The following CD8B2 variants were observed in gnomAD, a reference collection of about 807,000 sequenced individuals.
CD8B2 encodes T-cell surface glycoprotein CD8 beta-2 chain.
A neutral mutation model predicts 23.7 loss-of-function variants in CD8B2; 11 were observed. The ratio of observed to expected loss-of-function variants is 0.46; its 90% CI spans 0.29 to 0.77. The LOEUF is 0.77. CD8B2 is among the 30% of genes least tolerant of loss of function. The pLI is 0.09. For synonymous variants in CD8B2, 90 were observed against 109.3 expected (o/e 0.82, Z 1.10); for missense variants, 197 against 270.5 (o/e 0.73, Z 1.91).
chr2:106,507,630 G>A lies in CD8B2; in HGVS notation c.*690G>A, dbSNP rs1335415710. 2.1e-6 allele frequency: 2 copies of A among 961,706 alleles called. No individual in the cohort carries two copies. The highest frequency in any genetic ancestry group is 2.5e-6 in the Non-Finnish European group (2 of 808,622). The allele number at this position is 961,706 out of a possible 1,614,324, so 59.6% of individuals were successfully genotyped here. A position where few individuals can be genotyped will look rare whatever the true frequency, so the allele number is the denominator to read the frequency against. On this transcript the variant is annotated 3_prime_UTR_variant, in exon 6 of 6. Coordinates refer to ENST00000643224, the MANE Select transcript of CD8B2 (RefSeq NM_001349727.2). ...CTGTTTGTTTTATACAAATGTCTTA[G>A]TTGTACAAATAAAGTCCCAGGTTAA...
chr2:106,521,689 C>A (rs1011364793), intron 5 of CD8B2: 2 of 152,268 alleles, frequency 1.3e-5, no homozygotes, highest in Non-Finnish European at 2.9e-5. Context: ...GCAGCACTTT[C>A]AGTTCTGAAA....
chr2:106,538,404 CT>C (rs1393804765), intron 5 of CD8B2, among the ~76,000 whole-genome samples: 2 of 152,056 alleles, frequency 1.3e-5, no homozygotes, highest in Non-Finnish European at 2.9e-5. Context: ...TTTACTTGTT[CT>C]TAAAATTGAT....
chr2:106,503,226 C>A (rs1679447193), intron 4 of CD8B2, among the ~76,000 whole-genome samples: 1 of 152,278 alleles, frequency 6.6e-6, no homozygotes, highest in East Asian at 1.9e-4. Context: ...CTTCTGCTCA[C>A]CTGTGCCACC....
In CD8B2 at chr2:106,507,316, TG is replaced by T. The variant is rs919619072; in HGVS notation, c.*379del. 7.5e-5 allele frequency: 77 copies of T among 1,022,820 alleles called. No homozygotes were observed. The highest frequency in any genetic ancestry group is 8.0e-5 in the Non-Finnish European group (68 of 854,208). 63.4% of individuals were successfully genotyped at this position (1,022,820 alleles called of 1,614,324 possible). A position where few individuals can be genotyped will look rare whatever the true frequency, so the allele number is the denominator to read the frequency against. On this transcript the variant is annotated 3_prime_UTR_variant, in exon 6 of 6. Coordinates refer to ENST00000643224, the MANE Select transcript of CD8B2 (RefSeq NM_001349727.2). Reference sequence around the variant, plus strand: ...CTTTGCCCTGGTAGGGCAGTAACATTGGGTCCTGGGTCTTTCATGGGGTGAT... The same window carrying T: ...CTTTGCCCTGGTAGGGCAGTAACATTGGTCCTGGGTCTTTCATGGGGTGAT...
chr2:106,518,499 T>C (rs1679771171), intron 5 of CD8B2, among the ~76,000 whole-genome samples: 1 of 152,230 alleles, frequency 6.6e-6, no homozygotes, highest in Non-Finnish European at 1.5e-5. Context: ...TCAACTCATA[T>C]TGGTTTCAGA....
intron 5 of CD8B2, among the ~76,000 whole-genome samples, chr2:106,517,057 T>G (rs1167029578): frequency 1.3e-5 from 2 of 149,448 alleles, no homozygotes; most frequent in African/African-American, 4.9e-5. Flanking sequence ...TATTTCATTA[T>G]ATTATCGATT....
chr2:106,521,524 G>A (rs527404446), intron 5 of CD8B2: 3 of 152,306 alleles, frequency 2.0e-5, no homozygotes, highest in East Asian at 1.9e-4. Flanking sequence ...CTCACTGTCT[G>A]CCTGTATAAT....
At chr2:106,539,922 G>T (rs985679777) in intron 5 of CD8B2, among the ~76,000 whole-genome samples, 3 of 152,176 alleles carry the variant, frequency 2.0e-5, no homozygotes, top group Non-Finnish European at 2.9e-5. Context: ...GGGACTTCCT[G>T]ATCGTTAAAT....
At chr2:106,523,996 G>A (rs12613950) in intron 5 of CD8B2, among the ~76,000 whole-genome samples, 28,217 of 152,086 alleles carry the variant, frequency 0.19, 3,115 homozygotes, top group East Asian at 0.54. Context: ...TATTCAAAAA[G>A]TCCTGTAAAT....
At chr2:106,500,560 A>ATAAATAATTAATTAATTAAT (rs370350218) in intron 3 of CD8B2, among the ~76,000 whole-genome samples, 1 of 118,998 alleles carries the variant, frequency 8.4e-6, no homozygotes, top group African/African-American at 3.2e-5. Flanking sequence ...AAATAAATAA[A>ATAAATAATTAATTAATTAAT]TAATTAAAAA....
intron 5 of CD8B2, among the ~76,000 whole-genome samples, chr2:106,534,986 T>C (rs564920534): frequency 6.6e-6 from 1 of 152,120 alleles, no homozygotes; most frequent in Admixed American, 6.5e-5. Flanking sequence ...CTTGCCCGGC[T>C]AATTTTTGTA....
chr2:106,516,158 G>A (rs1041910113), intron 5 of CD8B2, among the ~76,000 whole-genome samples: 3 of 152,118 alleles, frequency 2.0e-5, no homozygotes, highest in African/African-American at 2.4e-5. Context: ...GTTTGAGCAT[G>A]TGAGTGATGG....
chr2:106,514,474 A>C (rs1259502579), downstream of CD8B2, among the ~76,000 whole-genome samples: 1 of 151,390 alleles, frequency 6.6e-6, no homozygotes, highest in African/African-American at 2.4e-5. Context: ...TTTTTAGTAG[A>C]GACGGGGTTT....
rs1489531813 is a variant in CD8B2 at position 106,510,647 on chromosome 2, T to TC, written c.*3709dup. 1.3e-5 allele frequency: 2 copies of TC among 152,084 alleles called. No homozygotes were observed. The highest frequency in any genetic ancestry group is 1.3e-4 in the Admixed American group (2 of 15,264). The allele number at this position is 152,084 out of a possible 1,614,324, so 9.4% of individuals were successfully genotyped here. A position where few individuals can be genotyped will look rare whatever the true frequency, so the allele number is the denominator to read the frequency against. On this transcript the variant is annotated 3_prime_UTR_variant, in exon 6 of 6. Coordinates refer to ENST00000643224, the MANE Select transcript of CD8B2 (RefSeq NM_001349727.2). ...TTAGGGAGGATGAGGTGGGAGGATC[T>TC]CCTGAGCCCAGGAGTTTGAGACTGC... is the stretch of plus-strand genomic sequence containing the variant.
intron 5 of CD8B2, among the ~76,000 whole-genome samples, chr2:106,521,088 A>G (rs1573345726): frequency 1.3e-5 from 2 of 150,676 alleles, no homozygotes; most frequent in East Asian, 2.0e-4. Context: ...CGAGAATGGA[A>G]AGAGATAGAT....
At chr2:106,515,629 G>C (rs1055303925), downstream of CD8B2, among the ~76,000 whole-genome samples, 1 of 152,138 alleles carries the variant, frequency 6.6e-6, no homozygotes, top group South Asian at 2.1e-4. Flanking sequence ...CTCAAGAACT[G>C]TGAGAAATAA....
chr2:106,515,068 T>C (rs1679706878), downstream of CD8B2, among the ~76,000 whole-genome samples: 5 of 152,198 alleles, frequency 3.3e-5, no homozygotes, highest in African/African-American at 9.6e-5. Context: ...GACTCAGATG[T>C]TAATCTCCTT....
chr2:106,522,091 C>A (rs531184174), intron 5 of CD8B2: 1 of 152,334 alleles, frequency 6.6e-6, no homozygotes, highest in Non-Finnish European at 1.5e-5. Flanking sequence ...TGCCACCCAT[C>A]TTCATGAAGC....
chr2:106,491,727 T>C (rs1679200276), intron 2 of CD8B2, among the ~76,000 whole-genome samples: 1 of 152,082 alleles, frequency 6.6e-6, no homozygotes, highest in African/African-American at 2.4e-5. Context: ...TTTTGTATTT[T>C]TAGTGGAGAC....
Sources: gnomAD v4.1 joint callset for allele counts (sites outside exome capture counted in the v4.1 genomes callset) on GRCh38, gnomAD v4.1.1 for gene constraint, MANE v1.5 for transcripts, NCBI Gene and HGNC (gene_info 2026-07-23, HGNC 2026-07-21) for gene names.